The following CDKN2A variants were observed in gnomAD, a reference collection of about 807,000 sequenced individuals.
CDKN2A encodes cyclin-dependent kinase inhibitor 2A.
CDKN2A carries 3 observed loss-of-function variants against 11.1 expected under a neutral mutation model. The observed-to-expected ratio is 0.27, with a 90% CI of 0.12 to 0.70. The LOEUF is 0.70. Among genes scored for constraint, CDKN2A ranks in the 30% least tolerant of loss-of-function variants. CDKN2A has a pLI of 0.77. For synonymous variants in CDKN2A, 122 were observed against 108.1 expected (o/e 1.13, Z -0.80); for missense variants, 265 against 233.6 (o/e 1.13, Z -0.88).
At chr9:21,994,563 C>T in intron 1 of CDKN2A, 1 of 1,080,296 alleles carries the variant, frequency 9.3e-7, no homozygotes, top group Non-Finnish European at 1.2e-6. Flanking sequence ...GATCTCGGAA[C>T]GGCTCTGAGC....
chr9:21,990,633 A>AGAGAGAGAGAGAGAGAGAGAGAGAGAGG (rs1208018287), intron 2 of CDKN2A, among the ~76,000 whole-genome samples: 3 of 151,698 alleles, frequency 2.0e-5, no homozygotes, highest in Admixed American at 6.6e-5. Flanking sequence ...AGAGAGAGAG[A>AGAGAGAGAGAGAGAGAGAGAGAGAGAGG]GAGAGAGAGA....
intron 2 of CDKN2A, among the ~76,000 whole-genome samples, chr9:21,986,444 G>A (rs1190562955): frequency 6.6e-6 from 1 of 151,912 alleles, no homozygotes; most frequent in Non-Finnish European, 1.5e-5. Context: ...AAGGGGTTAA[G>A]CGACTTTCAA....
At chr9:21,970,738 G>A in intron 2 of CDKN2A, 164 bp downstream of exon 2, 1 of 831,490 alleles carries the variant, frequency 1.2e-6, no homozygotes, top group Non-Finnish European at 1.9e-6. Flanking sequence ...TGCCGCCCTG[G>A]CGGGGCAGGG....
rs369224589 is a variant in CDKN2A at position 21,981,733 on chromosome 9, C to T, written c.-3-10525G>A. On this transcript the variant is annotated intron_variant, in intron 2 of 3. Coordinates refer to the CDKN2A transcript ENST00000494262. ...GGTTTAGCCCCGAAGTGCCAAAGTG[C>T]TCCTGAAGCTGCCCCGGATAAAAAT... Among the ~76,000 whole-genome samples the T allele has an allele frequency of 2.0e-5, 3 of 151,824 alleles. No individual in the cohort carries two copies. In the East Asian group the frequency reaches 5.8e-4, roughly 29 times the overall value.
intron 1 of CDKN2A, among the ~76,000 whole-genome samples, chr9:21,971,575 A>ATTTTTTTTTTGTTTTTTTTTTT (rs1819755953): frequency 9.0e-6 from 1 of 111,398 alleles, no homozygotes; most frequent in African/African-American, 4.4e-5. Flanking sequence ...AGGCCTGGAG[A>ATTTTTTTTTTGTTTTTTTTTTT]TTTTTTTTTT....
upstream of CDKN2A, chr9:21,975,176 C>A (rs183227541): frequency 5.2e-6 from 6 of 1,147,808 alleles, no homozygotes; most frequent in Non-Finnish European, 6.4e-6. Context: ...GGCTCCTCCC[C>A]ACCTGCCCCC....
chr9:21,985,526 A>G (rs1385428664), intron 2 of CDKN2A, among the ~76,000 whole-genome samples: 1 of 151,996 alleles, frequency 6.6e-6, no homozygotes, highest in African/African-American at 2.4e-5. Flanking sequence ...AGATATTCAG[A>G]CTGTGACAAC....
chr9:21,992,075 T>G (rs1820442577), intron 2 of CDKN2A: 1 of 909,766 alleles, frequency 1.1e-6, no homozygotes, highest in Admixed American at 6.2e-5. Flanking sequence ...CGTGGAATTT[T>G]AGTATATGTA....
chr9:21,970,405 G>A, intron 2 of CDKN2A: 1 of 307,822 alleles, frequency 3.2e-6, no homozygotes, highest in Non-Finnish European at 6.1e-6. Context: ...GCTGAGGAGG[G>A]TCAGATTAGT....
At position 21,967,925 on chromosome 9, in the gene CDKN2A, G is replaced by C. The variant is rs575209947; in HGVS notation, c.*304C>G. 10 of 407,392 alleles carry C rather than the reference G, an allele frequency of 2.5e-5. No homozygotes were observed. The Admixed American group carries it at 4.0e-4, about 16-fold the overall frequency. 25.2% of individuals were successfully genotyped at this position (407,392 alleles called of 1,614,324 possible). ...CGAGGCTCGCAAGAAATGCCCACAT[G>C]AATGTGCGCTTAGGGCGTGAGTGCT... is the stretch of plus-strand genomic sequence containing the variant. On this transcript the variant is annotated 3_prime_UTR_variant, in exon 3 of 3. Transcript: ENST00000304494.
At chr9:21,989,776 GCGGCCAGTGAAATCCCAAT>G (rs1820381846) in intron 2 of CDKN2A, 2 of 152,278 alleles carry the variant, frequency 1.3e-5, no homozygotes, top group East Asian at 3.9e-4. Context: ...CACCCCCACC[GCGGCCAGTGAAATCCCAAT>G]CGTCTTCCAC....
chr9:21,994,626 G>A, intron 1 of CDKN2A: 1 of 435,592 alleles, frequency 2.3e-6, no homozygotes. Flanking sequence ...GCGCGCGCGC[G>A]GGCGGCTCAG....
chr9:21,980,210 C>T (rs1027790524), intron 2 of CDKN2A, among the ~76,000 whole-genome samples: 1 of 152,168 alleles, frequency 6.6e-6, no homozygotes, highest in Non-Finnish European at 1.5e-5. Context: ...TGGGCTCTCT[C>T]TTGTTCTATT....
upstream of CDKN2A, among the ~76,000 whole-genome samples, chr9:21,979,153 G>T (rs1265333249): frequency 6.6e-6 from 1 of 152,212 alleles, no homozygotes; most frequent in African/African-American, 2.4e-5. Flanking sequence ...AGATATTCTA[G>T]GCAGAGGTAA....
chr9:21,981,300 T>C (rs1820193859), intron 2 of CDKN2A, among the ~76,000 whole-genome samples: 1 of 150,184 alleles, frequency 6.7e-6, no homozygotes, highest in Non-Finnish European at 1.5e-5. Flanking sequence ...ACTGGGGTGA[T>C]GCATTCTGAT....
In CDKN2A at chr9:21,968,007, A is replaced by C. The variant is rs1819492696; in HGVS notation, c.*222T>G. On this transcript the variant is annotated 3_prime_UTR_variant, in exon 3 of 3. Transcript: ENST00000304494. The surrounding 1 kb of genome is among the most constrained non-coding windows in gnomAD (Gnocchi z 4.7). ...CAGAAGCGGTGTTTTTCTTTTTTAC[A>C]TTTTTATAAGAATATATAAAAAATG... 1.8e-6 allele frequency: 1 copy of C among 560,838 alleles called. No homozygotes were observed. Among genetic ancestry groups the C allele is most frequent in the East Asian group, 2.8e-5 (1 of 35,122 alleles). The allele number at this position is 560,838 out of a possible 1,614,324, so 34.7% of individuals were successfully genotyped here. A position where few individuals can be genotyped will look rare whatever the true frequency, so the allele number is the denominator to read the frequency against.
rs2131110572 is a variant in CDKN2A at position 21,974,580 on chromosome 9, C to A, written c.150+98G>T. 1.2e-6 allele frequency: 2 copies of A among 1,613,832 alleles called. No individual in the cohort carries two copies. The highest frequency in any genetic ancestry group is 8.5e-7 in the Non-Finnish European group (1 of 1,179,994). ...CTCCCCAGGAAGCCTCCCCTTTTTC[C>A]GGAGAATCGAAGCGCTACCTGATTC... On this transcript the variant is annotated intron_variant, in intron 1 of 2. Coordinates refer to ENST00000304494, the MANE Select transcript of CDKN2A (RefSeq NM_000077.5). This position sits in a 1 kb window ranked among gnomAD's most constrained non-coding sequence, Gnocchi z 5.2.
chr9:21,985,902 G>A (rs1820288679), intron 2 of CDKN2A, among the ~76,000 whole-genome samples: 1 of 151,870 alleles, frequency 6.6e-6, no homozygotes, highest in Admixed American at 6.6e-5. Context: ...GAAATTTCTA[G>A]CTACACTGAA....
chr9:21,990,547 A>G (rs74503982), intron 2 of CDKN2A, among the ~76,000 whole-genome samples: 162 of 149,624 alleles, frequency 1.1e-3, no homozygotes, highest in African/African-American at 3.7e-3. Context: ...AACGAAGAAA[A>G]TAAATATCAC....
Sources: allele counts gnomAD v4.1 joint callset (sites outside exome capture counted in the v4.1 genomes callset), GRCh38; gene constraint gnomAD v4.1.1; non-coding constraint Gnocchi (gnomAD v3.1); transcripts MANE v1.5; gene names NCBI Gene and HGNC (gene_info 2026-07-23, HGNC 2026-07-21).